PTPRK: variants seen among roughly 807,000 people sequenced by gnomAD.
PTPRK encodes protein tyrosine phosphatase receptor type K.
PTPRK carries 75 observed loss-of-function variants against 178.0 expected under a neutral mutation model. That is an observed-to-expected ratio of 0.42 (90% CI 0.35 to 0.51). PTPRK has a LOEUF of 0.51. Among genes scored for constraint, PTPRK ranks in the 20% least tolerant of loss-of-function variants. The pLI, the probability that PTPRK is intolerant of heterozygous loss-of-function variation, is 0.02. For synonymous variants in PTPRK, 637 were observed against 620.6 expected (o/e 1.03, Z -0.39); for missense variants, 1,441 against 1,797.8 (o/e 0.80, Z 3.59).
At chr6:128,297,083 G>A (rs546655538) in intron 3 of PTPRK, among the ~76,000 whole-genome samples, 10 of 149,628 alleles carry the variant, frequency 6.7e-5, no homozygotes, top group African/African-American at 1.0e-4. Flanking sequence ...TCCTAGTCTC[G>A]GATAAAACAG....
chr6:128,210,531 C>T (rs1007050571), intron 6 of PTPRK, among the ~76,000 whole-genome samples: 5 of 151,774 alleles, frequency 3.3e-5, no homozygotes, highest in Admixed American at 2.6e-4. Context: ...AAAAAATACG[C>T]GAGGGTGGAA....
At chr6:128,375,927 A>G (rs1837009577) in intron 2 of PTPRK, among the ~76,000 whole-genome samples, 1 of 152,210 alleles carries the variant, frequency 6.6e-6, no homozygotes, top group African/African-American at 2.4e-5. Flanking sequence ...TCTCACATCC[A>G]GTTCATGTTG....
rs183113382 is a variant in PTPRK at position 128,183,907 on chromosome 6, T to C, written c.1162+525A>G. 2.8e-3 allele frequency among the ~76,000 whole-genome samples: 429 copies of C among 152,320 alleles called. 4 individuals are homozygous for C. The highest frequency in any genetic ancestry group is 9.4e-3 in the African/African-American group (389 of 41,578). Reference sequence around the variant, plus strand: ...GTGTAAGGAAAATCTCTCTGTGTTCTGCAGCTGGGTGTCAAGCTCCTGAGG... The same window carrying C: ...GTGTAAGGAAAATCTCTCTGTGTTCCGCAGCTGGGTGTCAAGCTCCTGAGG... On this transcript the variant is annotated intron_variant, in intron 7 of 29. Coordinates refer to ENST00000368226, the MANE Select transcript of PTPRK (RefSeq NM_002844.4).
chr6:128,256,766 G>A (rs1043502512), intron 3 of PTPRK, among the ~76,000 whole-genome samples: 1 of 151,840 alleles, frequency 6.6e-6, no homozygotes, highest in African/African-American at 2.4e-5. Flanking sequence ...CTGGGAAAGC[G>A]GACAATGATT....
chr6:128,393,086 G>A (rs1331025895), intron 2 of PTPRK, among the ~76,000 whole-genome samples: 1 of 146,424 alleles, frequency 6.8e-6, no homozygotes, highest in Non-Finnish European at 1.5e-5. Context: ...ATGTTCATAA[G>A]GACTTTTTTT....
At chr6:128,350,461 G>T (rs903771334) in intron 2 of PTPRK, among the ~76,000 whole-genome samples, 1 of 152,100 alleles carries the variant, frequency 6.6e-6, no homozygotes, top group Non-Finnish European at 1.5e-5. Flanking sequence ...ACAGAAGGTA[G>T]AGGCAGTGCA....
chr6:128,063,525 T>C (rs1781226513), intron 13 of PTPRK: 1 of 152,212 alleles, frequency 6.6e-6, no homozygotes, highest in South Asian at 2.1e-4. Context: ...CTACTTTAAA[T>C]CTGGAAAAAC....
chr6:128,435,663 C>T lies in PTPRK; in HGVS notation c.101-37975G>A, dbSNP rs980538947. Among the ~76,000 whole-genome samples, 4 of 152,210 alleles carry T rather than the reference C, an allele frequency of 2.6e-5. 1 individual carries two copies. The South Asian group carries it at 8.3e-4, about 32-fold the overall frequency. Reference sequence around the variant, plus strand: ...TTATCTGTTACTTGAAAGAGAAATGCTAACCCAAAGAACTGTTAGAGACTT... The same window carrying T: ...TTATCTGTTACTTGAAAGAGAAATGTTAACCCAAAGAACTGTTAGAGACTT... On this transcript the variant is annotated intron_variant, in intron 1 of 29. Transcript: ENST00000368226.
At chr6:128,281,786 G>GA (rs58375826) in intron 3 of PTPRK, among the ~76,000 whole-genome samples, 3,103 of 152,182 alleles carry the variant, frequency 0.02, 98 homozygotes, top group African/African-American at 0.071. Flanking sequence ...ATAGAAGGCA[G>GA]AGAGGTGCAA....
At chr6:128,445,226 T>C (rs975737592) in intron 1 of PTPRK, among the ~76,000 whole-genome samples, 1 of 146,808 alleles carries the variant, frequency 6.8e-6, no homozygotes, top group South Asian at 2.1e-4. Context: ...ATATAATTTA[T>C]ATATAATAGT....
At chr6:128,477,369 CAA>C (rs1851495859) in intron 1 of PTPRK, among the ~76,000 whole-genome samples, 1 of 151,648 alleles carries the variant, frequency 6.6e-6, no homozygotes, top group Non-Finnish European at 1.5e-5. Flanking sequence ...TATAGCTAGG[CAA>C]GAGATCTTGA....
At chr6:128,153,403 T>A (rs546607061) in intron 7 of PTPRK, among the ~76,000 whole-genome samples, 1 of 152,112 alleles carries the variant, frequency 6.6e-6, no homozygotes, top group South Asian at 2.1e-4. Flanking sequence ...TAATTTAATC[T>A]ATTTAATCAT....
chr6:127,992,014 TA>T (rs1000399120), intron 19 of PTPRK, among the ~76,000 whole-genome samples: 5 of 151,692 alleles, frequency 3.3e-5, no homozygotes, highest in Non-Finnish European at 7.4e-5. Flanking sequence ...GTTAAAAGAG[TA>T]AACCTAGCTT....
chr6:128,013,226 T>C (rs1168061585), intron 13 of PTPRK, among the ~76,000 whole-genome samples: 1 of 151,390 alleles, frequency 6.6e-6, no homozygotes, highest in Non-Finnish European at 1.5e-5. Flanking sequence ...AGATTTTTGT[T>C]TGCTCATCCC....
chr6:127,987,214 A>G (rs1026712974), intron 21 of PTPRK, among the ~76,000 whole-genome samples: 7 of 150,372 alleles, frequency 4.7e-5, no homozygotes, highest in Admixed American at 4.6e-4. Context: ...ATTTTTCTGA[A>G]TGATTTTCAA....
intron 3 of PTPRK, among the ~76,000 whole-genome samples, chr6:128,259,476 T>C (rs1480222272): frequency 1.3e-5 from 2 of 152,178 alleles, no homozygotes; most frequent in Admixed American, 6.5e-5. Context: ...CACACACATA[T>C]ATAATGTACA....
intron 1 of PTPRK, among the ~76,000 whole-genome samples, chr6:128,493,553 T>TC (rs1242512704): frequency 7.9e-6 from 1 of 126,652 alleles, no homozygotes; most frequent in Non-Finnish European, 1.6e-5. Flanking sequence ...AGAGCGAGAC[T>TC]CCGTCTCAAA....
intron 2 of PTPRK, among the ~76,000 whole-genome samples, chr6:128,364,856 C>A (rs796188566): frequency 1.5e-4 from 23 of 152,044 alleles, no homozygotes; most frequent in African/African-American, 5.3e-4. Flanking sequence ...ATATTGTGAA[C>A]CAAGTTTTTA....
intron 3 of PTPRK, among the ~76,000 whole-genome samples, chr6:128,272,021 C>T (rs757278276): frequency 1.3e-5 from 2 of 151,810 alleles, no homozygotes; most frequent in Non-Finnish European, 2.9e-5. Flanking sequence ...CAGATTTATC[C>T]ACATATGCAT....
Sources: gnomAD v4.1 joint callset for allele counts (sites outside exome capture counted in the v4.1 genomes callset) on GRCh38, gnomAD v4.1.1 for gene constraint, MANE v1.5 for transcripts, NCBI Gene and HGNC (gene_info 2026-07-23, HGNC 2026-07-21) for gene names.